The following ZC3H11A variants were observed in gnomAD, a reference collection of about 807,000 sequenced individuals.
ZC3H11A encodes zinc finger CCCH-type containing 11A.
A neutral mutation model predicts 90.8 loss-of-function variants in ZC3H11A; 22 were observed. The ratio of observed to expected loss-of-function variants is 0.24; its 90% CI spans 0.17 to 0.35. ZC3H11A has a LOEUF of 0.35. ZC3H11A is among the 10% of genes least tolerant of loss of function. ZC3H11A has a pLI of 1.00. For missense variants in ZC3H11A, 701 were observed against 964.9 expected, an observed-to-expected ratio of 0.73 and a Z score of 3.62; for synonymous variants, 294 against 339.8, an observed-to-expected ratio of 0.87 and a Z score of 1.48.
Position 203,850,540 on chromosome 1 carries a change from A to G in ZC3H11A, c.1965A>G (p.Pro655=). The change falls in exon 16 of 18, where the codon CCA becomes CCG. Residue 655 remains proline (P), a synonymous_variant. Transcript: ENST00000367210. The stretch of plus-strand genomic sequence containing the variant: ...CTAAACCCAAAGTGAACGTGAAGCC[A>G]TCTGTGGTTAAAGTTGTGTCATCCC... ...GKAKPKVNVK[P]SVVKVVSSPK... 1.2e-6 allele frequency: 2 copies of G among 1,614,000 alleles called. No homozygotes were observed. Among genetic ancestry groups the G allele is most frequent in the East Asian group, 4.5e-5 (2 of 44,884 alleles).
Position 203,850,661 on chromosome 1 carries a change from C to T in ZC3H11A, c.2086C>T (p.Pro696Ser). 6.2e-7 allele frequency: 1 copy of T among 1,613,988 alleles called. No homozygotes were observed. Among genetic ancestry groups the T allele is most frequent in the Non-Finnish European group, 8.5e-7 (1 of 1,179,942 alleles). Residue 696 changes from proline (P) to serine (S), a missense_variant, in exon 16 of 18, where the codon CCA becomes TCA. Around this residue, in one of 4 missense-constraint regions of ZC3H11A, gnomAD observed 91 missense variants for 86.8 expected, o/e 1.05. Coordinates refer to ENST00000367210, the MANE Select transcript of ZC3H11A (RefSeq NM_001376342.1). The stretch of plus-strand genomic sequence containing the variant: ...CTCCAGCAGTGTCCTACAGGAACCC[C>T]CAGCCAAAAAGGCAGCTGTGGTAAG... Reference protein sequence around the residue: ...LSSSSVLQEPPAKKAAVAVVP... With the variant: ...LSSSSVLQEPSAKKAAVAVVP...
intron 2 of ZC3H11A, among the ~76,000 whole-genome samples, chr1:203,814,212 C>A (rs1041089094): frequency 6.6e-5 from 10 of 152,162 alleles, no homozygotes; most frequent in Non-Finnish European, 1.5e-4. Flanking sequence ...ATTCTAAGTT[C>A]TCTGCCACTT....
At chr1:203,812,066 C>T (rs2102663678) in intron 2 of ZC3H11A, among the ~76,000 whole-genome samples, 1 of 152,260 alleles carries the variant, frequency 6.6e-6, no homozygotes, top group East Asian at 1.9e-4. Flanking sequence ...ATCCACCCAC[C>T]TCGGCCTCCC....
At chr1:203,840,226 A>C in intron 11 of ZC3H11A, 80 bp from the exon 12 acceptor site, 1 of 1,416,660 alleles carries the variant, frequency 7.1e-7, no homozygotes, top group African/African-American at 1.4e-5. Context: ...GGTGTATGCC[A>C]CCATGCCCAG....
intron 12 of ZC3H11A, among the ~76,000 whole-genome samples, chr1:203,846,886 C>G (rs929249317): frequency 2.6e-5 from 4 of 151,928 alleles, no homozygotes; most frequent in African/African-American, 9.7e-5. Flanking sequence ...TACCTGTAGT[C>G]CCAGCTACTT....
At chr1:203,800,472 C>A (rs1316839662) in intron 1 of ZC3H11A, 21 of 1,470,626 alleles carry the variant, frequency 1.4e-5, no homozygotes, top group Non-Finnish European at 1.7e-5. Context: ...ATTTCTTTTT[C>A]TCCATTTAAA....
At chr1:203,835,235 A>G (rs2103108062) in intron 10 of ZC3H11A, among the ~76,000 whole-genome samples, 1 of 152,310 alleles carries the variant, frequency 6.6e-6, no homozygotes, top group South Asian at 2.1e-4. Flanking sequence ...GCTTTGCTGT[A>G]TATCAAAGAA....
chr1:203,838,616 G>A lies in ZC3H11A; in HGVS notation c.973+552G>A, dbSNP rs138378031. Reference sequence around the variant, plus strand: ...ATAATATAGTCTTTAAGCCATGTTAGAAAGTTTGGACTTATTCTAAGATAG... The same window carrying A: ...ATAATATAGTCTTTAAGCCATGTTAAAAAGTTTGGACTTATTCTAAGATAG... On this transcript the variant is annotated intron_variant, in intron 11 of 17. Transcript: ENST00000367210. Among the ~76,000 whole-genome samples, 657 of 152,256 alleles carry A rather than the reference G, an allele frequency of 4.3e-3. 7 individuals carry two copies. Among genetic ancestry groups the A allele is most frequent in the African/African-American group, 0.015 (626 of 41,548 alleles).
intron 4 of ZC3H11A, among the ~76,000 whole-genome samples, chr1:203,821,952 T>C (rs111700197): frequency 0.024 from 3,672 of 152,104 alleles, 128 homozygotes; most frequent in African/African-American, 0.081. Flanking sequence ...AGAGATGGGG[T>C]TTCACCGTGT....
intron 1 of ZC3H11A, chr1:203,797,727 C>G (rs1242687767): frequency 6.5e-7 from 1 of 1,534,682 alleles, no homozygotes; most frequent in Non-Finnish European, 8.7e-7. Context: ...GAAGGGTTTG[C>G]GAATTAAGGG....
chr1:203,796,339 C>T (rs1668491998), intron 1 of ZC3H11A: 5 of 398,544 alleles, frequency 1.3e-5, no homozygotes, highest in Non-Finnish European at 2.2e-5. Context: ...TACAGAAAGC[C>T]ACCGACCTTA....
At chr1:203,835,263 T>C (rs913903161) in intron 10 of ZC3H11A, among the ~76,000 whole-genome samples, 11 of 152,230 alleles carry the variant, frequency 7.2e-5, no homozygotes, top group African/African-American at 2.7e-4. Flanking sequence ...TAAATTCTCA[T>C]CGAATCCTTG....
In ZC3H11A at chr1:203,842,058, C is replaced by T. The variant is rs181940257; in HGVS notation, c.1042+1684C>T. ...CAGACGATGGGCGGCCGGGCAGAGA[C>T]ACTCCTCACTTCCTAGACGGGATGG... On this transcript the variant is annotated intron_variant, in intron 12 of 17. Transcript: ENST00000367210. 1.0e-3 allele frequency among the ~76,000 whole-genome samples: 152 copies of T among 151,454 alleles called. 4 individuals carry two copies. In the East Asian group the frequency reaches 0.025, roughly 25 times the overall value.
At position 203,829,672 on chromosome 1, in the gene ZC3H11A, C is replaced by G. The variant is rs980016851; in HGVS notation, c.502+18C>G. 1.9e-6 allele frequency: 3 copies of G among 1,614,160 alleles called. 1 individual carries two copies. The South Asian group carries it at 3.3e-5, about 18-fold the overall frequency. On this transcript the variant is annotated intron_variant, in intron 6 of 17. Coordinates refer to ENST00000367210, the MANE Select transcript of ZC3H11A (RefSeq NM_001376342.1). ...TGATGATGGTAAGTTCTGTCTGGCT[C>G]CTTCTTTAAGGCAAATAAATAGGGT...
chr1:203,808,923 C>CG (rs767879909), intron 2 of ZC3H11A, among the ~76,000 whole-genome samples: 69 of 151,526 alleles, frequency 4.6e-4, no homozygotes, highest in Non-Finnish European at 8.7e-4. Flanking sequence ...CTCCACCTCC[C>CG]GGGTTCAGGT....
rs544098901 is a variant in ZC3H11A at position 203,799,324 on chromosome 1, G to A, written c.-1587-2251G>A. ...CAGGACTTTTTCTGCGAGCACAAAA[G>A]CATTGAGAATATGTTAGTGGCTGCC... On this transcript the variant is annotated intron_variant, in intron 1 of 17. Transcript: ENST00000367210. The A allele has an allele frequency of 3.1e-5, 22 of 708,892 alleles. No homozygotes were observed. The East Asian group carries it at 4.8e-4, about 16-fold the overall frequency. The allele number at this position is 708,892 out of a possible 1,614,324, so 43.9% of individuals were successfully genotyped here. A position where few individuals can be genotyped will look rare whatever the true frequency, so the allele number is the denominator to read the frequency against.
intron 12 of ZC3H11A, 76 bp from the exon 13 acceptor site, chr1:203,847,108 C>T: frequency 1.3e-6 from 2 of 1,509,352 alleles, no homozygotes; most frequent in Non-Finnish European, 1.8e-6. Flanking sequence ...CTGTCTTGAT[C>T]CAAGAATAGA....
chr1:203,840,197 C>G lies in ZC3H11A; in HGVS notation c.974-109C>G, dbSNP rs1315272265. On this transcript the variant is annotated intron_variant, in intron 11 of 17. Transcript: ENST00000367210. ...CAAGTGATCAGCCTGCCTTGGCCTC[C>G]CAAAGTTCTGGGATTACAGGTGTAT... 3 of 1,085,224 alleles carry G rather than the reference C, an allele frequency of 2.8e-6. No individual in the cohort carries two copies. In the African/African-American group the frequency reaches 4.8e-5, roughly 17 times the overall value. The allele number at this position is 1,085,224 out of a possible 1,614,324, so 67.2% of individuals were successfully genotyped here.
At chr1:203,819,499 T>C (rs978016986) in intron 4 of ZC3H11A, among the ~76,000 whole-genome samples, 17 of 147,614 alleles carry the variant, frequency 1.2e-4, no homozygotes, top group African/African-American at 4.2e-4. Context: ...TGGGATTACA[T>C]GCGTGAGCCA....
Sources: allele counts gnomAD v4.1 joint callset (sites outside exome capture counted in the v4.1 genomes callset), GRCh38; gene constraint gnomAD v4.1.1; regional missense constraint gnomAD v4.1.1; transcripts MANE v1.5; gene names NCBI Gene and HGNC (gene_info 2026-07-23, HGNC 2026-07-21).